FARS2: variants seen among roughly 807,000 people sequenced by gnomAD.
FARS2 encodes the protein phenylalanine--tRNA ligase, mitochondrial.
In FARS2, 40 loss-of-function variants were observed where a neutral mutation model predicts 46.4. The ratio of observed to expected loss-of-function variants is 0.86; its 90% CI spans 0.67 to 1.12. FARS2 has a LOEUF of 1.12. Ranked by LOEUF, FARS2 falls within the 50% of genes most tolerant of loss-of-function variation. The pLI is 0.00. For missense variants in FARS2, 513 were observed against 567.9 expected, an observed-to-expected ratio of 0.90 and a Z score of 0.98; for synonymous variants, 234 against 214.9, an observed-to-expected ratio of 1.09 and a Z score of -0.78.
At chr6:5,766,245 C>T (rs111267622) in intron 6 of FARS2, among the ~76,000 whole-genome samples, 25 of 152,362 alleles carry the variant, frequency 1.6e-4, no homozygotes, top group African/African-American at 5.8e-4. Context: ...AGTGTGCCTG[C>T]GTGAGTTGGG....
chr6:5,663,364 T>G (rs1054417714), intron 6 of FARS2, among the ~76,000 whole-genome samples: 1 of 152,180 alleles, frequency 6.6e-6, no homozygotes, highest in African/African-American at 2.4e-5. Context: ...TCAAAAAAAT[T>G]CTTCCCAATA....
the FARS2 span, among the ~76,000 whole-genome samples, chr6:5,250,965 A>G: frequency 6.6e-6 from 1 of 152,240 alleles, no homozygotes; most frequent in African/African-American, 2.4e-5. Context: ...CAGCCAAAAC[A>G]TCATTATGCA....
At chr6:5,674,386 T>C (rs941382932) in intron 6 of FARS2, among the ~76,000 whole-genome samples, 6 of 152,030 alleles carry the variant, frequency 3.9e-5, no homozygotes, top group African/African-American at 1.5e-4. Context: ...CTGTCGAGGA[T>C]GTTTTTGACA....
chr6:5,636,471 G>C (rs1776552014), intron 6 of FARS2, among the ~76,000 whole-genome samples: 1 of 152,200 alleles, frequency 6.6e-6, no homozygotes, highest in Non-Finnish European at 1.5e-5. Context: ...ATTGGACCCG[G>C]ACAGATGCTT....
intron 1 of FARS2, among the ~76,000 whole-genome samples, chr6:5,322,712 C>T (rs545833191): frequency 6.6e-6 from 1 of 152,186 alleles, no homozygotes; most frequent in South Asian, 2.1e-4. Flanking sequence ...GAGACGTGAC[C>T]TTTGGGCGCT....
intron 1 of FARS2, among the ~76,000 whole-genome samples, chr6:5,360,594 A>AGCTG (rs1227726939): frequency 6.6e-6 from 1 of 152,198 alleles, no homozygotes; most frequent in Non-Finnish European, 1.5e-5. Flanking sequence ...TGTGCATCCA[A>AGCTG]GCTGGCTTCC....
chr6:5,546,365 C>T (rs1243595085), intron 5 of FARS2, among the ~76,000 whole-genome samples: 1 of 151,064 alleles, frequency 6.6e-6, no homozygotes, highest in Non-Finnish European at 1.5e-5. Flanking sequence ...ATTCTCCTGC[C>T]TCAGCCTCCT....
intron 5 of FARS2, among the ~76,000 whole-genome samples, chr6:5,580,150 C>T (rs577665155): frequency 1.3e-5 from 2 of 151,484 alleles, no homozygotes; most frequent in South Asian, 4.2e-4. Flanking sequence ...ATTAGCCGGG[C>T]GTGGTGGTGC....
At chr6:5,551,245 C>G (rs1289254249) in intron 5 of FARS2, among the ~76,000 whole-genome samples, 1 of 152,194 alleles carries the variant, frequency 6.6e-6, no homozygotes, top group African/African-American at 2.4e-5. Context: ...ACAAGGATCC[C>G]CTTTCCTCCA....
intron 4 of FARS2, among the ~76,000 whole-genome samples, chr6:5,508,892 A>G (rs972655414): frequency 6.6e-6 from 1 of 152,358 alleles, no homozygotes; most frequent in Admixed American, 6.5e-5. Context: ...TCGGAGGAAG[A>G]AACGACAGTA....
intron 1 of FARS2, among the ~76,000 whole-genome samples, chr6:5,280,692 CT>C (rs752085379): frequency 7.5e-4 from 108 of 143,756 alleles, no homozygotes; most frequent in South Asian, 4.7e-3. Context: ...CCCAGCCATT[CT>C]TTTTTTTTTT....
chr6:5,255,940 T>C, the FARS2 span, among the ~76,000 whole-genome samples: 2 of 152,168 alleles, frequency 1.3e-5, no homozygotes, highest in Non-Finnish European at 2.9e-5. Flanking sequence ...TAATTTGACT[T>C]ATGATGATAA....
intron 5 of FARS2, among the ~76,000 whole-genome samples, chr6:5,550,849 G>T (rs190084659): frequency 2.6e-5 from 4 of 152,072 alleles, no homozygotes; most frequent in Non-Finnish European, 5.9e-5. Flanking sequence ...CTGCTGAGAC[G>T]CCTGAGGGGA....
intron 5 of FARS2, among the ~76,000 whole-genome samples, chr6:5,580,338 A>G (rs1172219034): frequency 6.6e-6 from 1 of 150,866 alleles, no homozygotes; most frequent in Admixed American, 6.6e-5. Context: ...GAAGGAAGGA[A>G]GGAAAGCAAG....
intron 1 of FARS2, among the ~76,000 whole-genome samples, chr6:5,278,610 A>G (rs906322955): frequency 1.3e-5 from 2 of 152,200 alleles, no homozygotes; most frequent in Admixed American, 1.3e-4. Context: ...ATTATTCTCC[A>G]TAACTATTCA....
intron 6 of FARS2, among the ~76,000 whole-genome samples, chr6:5,703,927 C>A (rs1758587882): frequency 1.3e-5 from 2 of 152,236 alleles, no homozygotes; most frequent in South Asian, 4.1e-4. Flanking sequence ...CTAAACTGTC[C>A]CGATCTAGCT....
intron 6 of FARS2, among the ~76,000 whole-genome samples, chr6:5,734,038 C>T (rs1344885801): frequency 6.6e-6 from 1 of 152,150 alleles, no homozygotes; most frequent in Non-Finnish European, 1.5e-5. Context: ...TCAAGGGATC[C>T]AAGAGTGCTA....
At chr6:5,437,105 G>A (rs1337271953) in intron 4 of FARS2, among the ~76,000 whole-genome samples, 6 of 152,130 alleles carry the variant, frequency 3.9e-5, no homozygotes, top group African/African-American at 1.4e-4. Flanking sequence ...TCTACCTGCT[G>A]TCATTATAGA....
At chr6:5,610,569 A>G (rs1775120872) in intron 5 of FARS2, among the ~76,000 whole-genome samples, 1 of 152,212 alleles carries the variant, frequency 6.6e-6, no homozygotes, top group Admixed American at 6.5e-5. Flanking sequence ...TGCAAATACT[A>G]CACCATTTTA....
Sources: gnomAD v4.1 joint callset for allele counts (sites outside exome capture counted in the v4.1 genomes callset) on GRCh38, gnomAD v4.1.1 for gene constraint, MANE v1.5 for transcripts, NCBI Gene and HGNC (gene_info 2026-07-23, HGNC 2026-07-21) for gene names.